The following SLC38A10 variants were observed in gnomAD, a reference collection of about 807,000 sequenced individuals.
The protein encoded by SLC38A10 is Sodium-coupled neutral amino acid transporter 10.
A neutral mutation model predicts 81.0 loss-of-function variants in SLC38A10; 53 were observed. That is an observed-to-expected ratio of 0.65 (90% CI 0.53 to 0.82). The LOEUF (loss-of-function observed/expected upper bound fraction) is 0.82, where lower values mean the gene tolerates loss of function less well. Among genes scored for constraint, SLC38A10 ranks in the 40% least tolerant of loss-of-function variants. SLC38A10 has a pLI of 0.00. For synonymous variants in SLC38A10, 665 were observed against 655.3 expected, an observed-to-expected ratio of 1.01 and a Z score of -0.23; for missense variants, 1,471 against 1,545.0, an observed-to-expected ratio of 0.95 and a Z score of 0.80.
intron 10 of SLC38A10, chr17:81,264,510 C>T (rs2146913437): frequency 6.6e-6 from 1 of 152,384 alleles, no homozygotes; most frequent in East Asian, 1.9e-4. Context: ...CGGATCGTAG[C>T]ACCCTCCCCC....
rs1180813293 is a variant in SLC38A10 at position 81,276,093 on chromosome 17, T to G, written c.788A>C (p.His263Pro). Residue 263 changes from histidine (H) to proline (P), a missense_variant, in exon 8 of 16, where the codon CAC becomes CCC. Physicochemically the swap from His to Pro is moderately conservative, Grantham distance 77. Transcript: ENST00000374759. The surrounding 1 kb of genome is among the most constrained non-coding windows in gnomAD (Gnocchi z 4.7). ...TEATAGNVLM[H>P]FPSNLVTEML... ...CTCCGTCACCAGGTTGGAGGGAAAG[T>G]GCATGAGCACGTTGCCGGCCGTGGC... 2.5e-6 allele frequency: 4 copies of G among 1,613,668 alleles called. No homozygotes were observed. The highest frequency in any genetic ancestry group is 1.3e-5 in the African/African-American group (1 of 74,902).
In SLC38A10 at chr17:81,286,269, G is replaced by A. The variant is rs1360703875; in HGVS notation, c.218-1374C>T. Among the ~76,000 whole-genome samples the A allele has an allele frequency of 1.3e-5, 2 of 152,130 alleles. No homozygotes were observed. The highest frequency in any genetic ancestry group is 2.1e-4 in the South Asian group (1 of 4,830). On this transcript the variant is annotated intron_variant, in intron 2 of 15. Coordinates refer to ENST00000374759, the MANE Select transcript of SLC38A10 (RefSeq NM_001037984.3). The surrounding 1 kb of genome is among the most constrained non-coding windows in gnomAD (Gnocchi z 6.0). ...AGTCTCTACAGCATATTCCAAACAC[G>A]AGCGCACCTTGCCCAAGAAGGTTCC...
At chr17:81,258,471 T>C (rs891262694) in intron 11 of SLC38A10, among the ~76,000 whole-genome samples, 1 of 152,048 alleles carries the variant, frequency 6.6e-6, no homozygotes, top group Admixed American at 6.5e-5. Flanking sequence ...ACAAGCCTCA[T>C]GACGGGATAC....
rs1238661406 is a variant in SLC38A10 at position 81,270,222 on chromosome 17, G to A, written c.1131+696C>T. ...GGGTAGAGCCACCACATTTACAGAT[G>A]CTCACACCCCTGACACAGGATTCCA... On this transcript the variant is annotated intron_variant, in intron 10 of 15. Transcript: ENST00000374759. The surrounding 1 kb of genome is among the most constrained non-coding windows in gnomAD (Gnocchi z 4.0). Among the ~76,000 whole-genome samples the A allele has an allele frequency of 6.6e-6, 1 of 152,160 alleles. No homozygotes were observed. The highest frequency in any genetic ancestry group is 1.5e-5 in the Non-Finnish European group (1 of 68,032).
chr17:81,247,080 C>T lies in SLC38A10; in HGVS notation c.2066-19G>A. On this transcript the variant is annotated intron_variant, in intron 14 of 15. Transcript: ENST00000374759. Reference sequence around the variant, plus strand: ...CCAGCTTCTGGGTTTGGAAAGCACACAGTCAGAGTGCCCGGGCTGCTCATG... The same window carrying T: ...CCAGCTTCTGGGTTTGGAAAGCACATAGTCAGAGTGCCCGGGCTGCTCATG... 8.9e-6 allele frequency: 14 copies of T among 1,566,794 alleles called. No individual in the cohort carries two copies. The highest frequency in any genetic ancestry group is 1.1e-5 in the Non-Finnish European group (13 of 1,158,486).
chr17:81,251,547 C>A lies in SLC38A10; in HGVS notation c.2011G>T (p.Glu671Ter), dbSNP rs759579645. The change falls in exon 14 of 16, where the codon GAG becomes TAG. Residue 671 changes from glutamate to a stop codon, truncating the protein, a stop_gained. Transcript: ENST00000374759. LOFTEE classifies it high-confidence loss of function. ...CCCGCTCGCTCCACGTCCCTCTGCT[C>A]GCGAGGCTCGGGCGGCAGCCCAGGC... The part of the protein sequence containing the change: ...PGPGLPPEPR[E>*]QRDVERAGGN... 6.5e-7 allele frequency: 1 copy of A among 1,528,022 alleles called. No individual in the cohort carries two copies. Among genetic ancestry groups the A allele is most frequent in the Non-Finnish European group, 8.8e-7 (1 of 1,142,014 alleles). The allele number at this position is 1,528,022 out of a possible 1,614,324, so 94.7% of individuals were successfully genotyped here. A position where few individuals can be genotyped will look rare whatever the true frequency, so the allele number is the denominator to read the frequency against.
In SLC38A10 at chr17:81,277,630, C is replaced by G. The variant is rs1308803035; in HGVS notation, c.627-497G>C. ...GGCGCGATTCCCCACTGCAGCCTCT[C>G]ACTTGTGTGATGAGAAAACTGGCTT... On this transcript the variant is annotated intron_variant, in intron 6 of 15. Coordinates refer to ENST00000374759, the MANE Select transcript of SLC38A10 (RefSeq NM_001037984.3). The surrounding 1 kb of genome is among the most constrained non-coding windows in gnomAD (Gnocchi z 4.5). 2.6e-5 allele frequency among the ~76,000 whole-genome samples: 4 copies of G among 152,222 alleles called. No homozygotes were observed. The highest frequency in any genetic ancestry group is 5.9e-5 in the Non-Finnish European group (4 of 68,032).
At chr17:81,261,557 T>C (rs1329249056) in intron 10 of SLC38A10, among the ~76,000 whole-genome samples, 3 of 152,160 alleles carry the variant, frequency 2.0e-5, no homozygotes, top group Non-Finnish European at 2.9e-5. Flanking sequence ...CCAATACAAT[T>C]AGAGAAGAGG....
At chr17:81,280,826 G>A (rs1271413676) in intron 5 of SLC38A10, 93 bp from the exon 6 acceptor site, 5 of 1,489,292 alleles carry the variant, frequency 3.4e-6, no homozygotes, top group Non-Finnish European at 4.5e-6. Context: ...GGAGTGGCAG[G>A]AGAGTGCAGC....
At position 81,245,656 on chromosome 17, in the gene SLC38A10, C is replaced by T; in HGVS notation, c.3260G>A (p.Gly1087Asp). 4 of 1,611,910 alleles carry T rather than the reference C, an allele frequency of 2.5e-6. No individual in the cohort carries two copies. The highest frequency in any genetic ancestry group is 3.4e-6 in the Non-Finnish European group (4 of 1,179,528). The change falls in exon 16 of 16, where the codon GGC becomes GAC. Residue 1087 changes from glycine to aspartate, a missense_variant. This residue lies in a region of SLC38A10 where 751 missense variants were observed against 717.4 expected (regional missense o/e 1.05). Coordinates refer to ENST00000374759, the MANE Select transcript of SLC38A10 (RefSeq NM_001037984.3). ...LPDVQVNDLR[G>D]ALDAQLRQAA... ...CTGGCGGAGCTGGGCATCCAGGGCG[C>T]CACGGAGGTCGTTCACCTGGACATC... is the stretch of plus-strand genomic sequence containing the variant.
intron 1 of SLC38A10, among the ~76,000 whole-genome samples, chr17:81,292,889 A>G (rs561198929): frequency 6.6e-6 from 1 of 152,336 alleles, no homozygotes; most frequent in Non-Finnish European, 1.5e-5. Context: ...CACGCCTGTA[A>G]TCCTAGCACT....
chr17:81,279,380 C>T (rs892228133), intron 6 of SLC38A10, among the ~76,000 whole-genome samples: 4 of 152,254 alleles, frequency 2.6e-5, no homozygotes, highest in African/African-American at 4.8e-5. Context: ...CCAACAGGGA[C>T]AGGCACTCTG....
At chr17:81,282,097 C>T in intron 5 of SLC38A10, 92 bp downstream of exon 5, 2 of 1,574,612 alleles carry the variant, frequency 1.3e-6, no homozygotes, top group Non-Finnish European at 8.7e-7. Flanking sequence ...CAGGCGGCCA[C>T]ACCAGACCTG....
At chr17:81,262,785 T>TA (rs1308042953) in intron 10 of SLC38A10, 1 of 152,220 alleles carries the variant, frequency 6.6e-6, no homozygotes, top group East Asian at 1.9e-4. Context: ...GACCCAAAGA[T>TA]AAAGACATTG....
intron 9 of SLC38A10, 109 bp from the exon 10 acceptor site, chr17:81,271,133 G>A: frequency 1.1e-6 from 1 of 897,628 alleles, no homozygotes; most frequent in South Asian, 1.5e-5. Flanking sequence ...TGAAGGAAAT[G>A]CCGTCTAGGC....
intron 10 of SLC38A10, chr17:81,263,295 T>A (rs2063039993): frequency 1.3e-5 from 2 of 152,038 alleles, no homozygotes; most frequent in African/African-American, 4.8e-5. Context: ...GACACGCGGG[T>A]CCAGGAAGCA....
Position 81,246,597 on chromosome 17 carries a change from C to T in SLC38A10, c.2319G>A (p.Val773=). The stretch of plus-strand genomic sequence containing the variant: ...CCAAAGGCAGGGGAGGCAGATTCTC[C>T]ACCGTCTCCCTGGCCTTGCCTTCAG... ...EAPEGKARET[V]ENLPPLPLDP... The change falls in exon 16 of 16, where the codon GTG becomes GTA. Residue 773 remains valine, a synonymous_variant. Transcript: ENST00000374759. 1 of 1,516,846 alleles carries T rather than the reference C, an allele frequency of 6.6e-7. No homozygotes were observed. Among genetic ancestry groups the T allele is most frequent in the South Asian group, 1.3e-5 (1 of 74,994 alleles). 94.0% of individuals were successfully genotyped at this position (1,516,846 alleles called of 1,614,324 possible). A position where few individuals can be genotyped will look rare whatever the true frequency, so the allele number is the denominator to read the frequency against.
At chr17:81,269,410 G>A (rs2063095623) in intron 10 of SLC38A10, among the ~76,000 whole-genome samples, 1 of 152,200 alleles carries the variant, frequency 6.6e-6, no homozygotes, top group South Asian at 2.1e-4. Flanking sequence ...CTACTCAGGA[G>A]GCTGAGGCAG....
chr17:81,280,278 T>C (rs1402605560), intron 6 of SLC38A10: 1 of 462,280 alleles, frequency 2.2e-6, no homozygotes, highest in Admixed American at 2.9e-5. Flanking sequence ...AACAGCTAAA[T>C]TCTGGCGAAG....
Sources: allele counts gnomAD v4.1 joint callset (sites outside exome capture counted in the v4.1 genomes callset), GRCh38; gene constraint gnomAD v4.1.1; regional missense constraint gnomAD v4.1.1; non-coding constraint Gnocchi (gnomAD v3.1); transcripts MANE v1.5; gene names NCBI Gene and HGNC (gene_info 2026-07-23, HGNC 2026-07-21).